Variants in CFAP91 observed in about 807,000 individuals in gnomAD.
The protein encoded by CFAP91 is cilia and flagella associated protein 91, also known as cilia- and flagella-associated protein 91.
CFAP91 carries 85 observed loss-of-function variants against 95.9 expected under a neutral mutation model. That is an observed-to-expected ratio of 0.89 (90% CI 0.74 to 1.06). The LOEUF (loss-of-function observed/expected upper bound fraction) is 1.06, where lower values mean the gene tolerates loss of function less well. Ranked by LOEUF, CFAP91 falls within the 50% of genes least tolerant of loss-of-function variation. The pLI is 0.00. For missense variants in CFAP91, 962 were observed against 943.4 expected (o/e 1.02, Z -0.26); for synonymous variants, 335 against 327.5 (o/e 1.02, Z -0.25).
At chr3:119,716,467 C>G (rs1033168583) in intron 6 of CFAP91, among the ~76,000 whole-genome samples, 1 of 152,174 alleles carries the variant, frequency 6.6e-6, no homozygotes, top group East Asian at 1.9e-4. Context: ...CTTTCCCCCG[C>G]ATTGTAACAG....
intron 11 of CFAP91, among the ~76,000 whole-genome samples, chr3:119,738,909 T>A (rs1297315459): frequency 6.6e-6 from 1 of 152,128 alleles, no homozygotes; most frequent in African/African-American, 2.4e-5. Context: ...ACATGAAAAA[T>A]CCTATTGCAA....
intron 15 of CFAP91, 98 bp downstream of exon 15, chr3:119,747,361 CAAAT>C (rs1246410473): frequency 9.7e-6 from 13 of 1,334,002 alleles, no homozygotes; most frequent in Non-Finnish European, 1.2e-5. Flanking sequence ...CAAGTAGAAA[CAAAT>C]AACTCATACT....
chr3:119,718,070 C>A (rs1277757615), intron 6 of CFAP91, among the ~76,000 whole-genome samples: 6 of 152,184 alleles, frequency 3.9e-5, no homozygotes, highest in Non-Finnish European at 8.8e-5. Flanking sequence ...GAGAAACCTG[C>A]AGCTGGTCTC....
rs2053552687 is a variant in CFAP91, at chr3:119,715,299, C to A, written c.501-263C>A. On this transcript the variant is annotated intron_variant, in intron 5 of 17. Transcript: ENST00000273390. ...TCTGTTCTACAACCTTGCCCAGTGACACACATATAAATAGGCACTTCTGTG... is the reference window on the plus strand; with the variant it reads ...TCTGTTCTACAACCTTGCCCAGTGAAACACATATAAATAGGCACTTCTGTG... 2.6e-5 allele frequency: 15 copies of A among 570,820 alleles called. No homozygotes were observed. In the Middle Eastern group the frequency reaches 1.3e-3, roughly 51 times the overall value. 35.4% of individuals were successfully genotyped at this position (570,820 alleles called of 1,614,324 possible). A position where few individuals can be genotyped will look rare whatever the true frequency, so the allele number is the denominator to read the frequency against.
chr3:119,756,901 T>G (rs2054441408), intron 17 of CFAP91, among the ~76,000 whole-genome samples: 1 of 152,140 alleles, frequency 6.6e-6, no homozygotes, highest in African/African-American at 2.4e-5. Context: ...AAACCAAATT[T>G]TATCACTGAC....
At chr3:119,753,565 G>C (rs1216101532) in intron 17 of CFAP91, among the ~76,000 whole-genome samples, 1 of 152,148 alleles carries the variant, frequency 6.6e-6, no homozygotes, top group African/African-American at 2.4e-5. Flanking sequence ...AGAATATTCA[G>C]GTACGTGAGG....
intron 14 of CFAP91, among the ~76,000 whole-genome samples, chr3:119,746,756 G>A (rs776247877): frequency 6.6e-6 from 1 of 152,188 alleles, no homozygotes; most frequent in Non-Finnish European, 1.5e-5. Flanking sequence ...CTCCTAGTCT[G>A]TGCTACAGTT....
rs1218355746 is a variant in CFAP91 at position 119,740,808 on chromosome 3, C to T, written c.1680+113C>T. On this transcript the variant is annotated intron_variant, in intron 13 of 17. Coordinates refer to ENST00000273390, the MANE Select transcript of CFAP91 (RefSeq NM_033364.4). ...AATGAAATGATGAAAAAGAAACAGCCCCACAATCCCATCACTCTGTCAGCA... is the reference window on the plus strand; with the variant it reads ...AATGAAATGATGAAAAAGAAACAGCTCCACAATCCCATCACTCTGTCAGCA... 2.6e-6 allele frequency: 3 copies of T among 1,156,492 alleles called. No individual in the cohort carries two copies. In the African/African-American group the frequency reaches 4.6e-5, roughly 18 times the overall value. 71.6% of individuals were successfully genotyped at this position (1,156,492 alleles called of 1,614,324 possible).
intron 3 of CFAP91, 106 bp downstream of exon 3, chr3:119,707,667 T>A: frequency 9.7e-7 from 1 of 1,029,984 alleles, no homozygotes; most frequent in Non-Finnish European, 1.3e-6. Context: ...GTGTTATACC[T>A]AGGCCAAATT....
In CFAP91 at chr3:119,737,407, A is replaced by G; in HGVS notation, c.1386A>G (p.Lys462=). 1 of 1,610,262 alleles carries G rather than the reference A, an allele frequency of 6.2e-7. No homozygotes were observed. The highest frequency in any genetic ancestry group is 8.5e-7 in the Non-Finnish European group (1 of 1,178,402). ...DKKNKVLEVK[K]PPRFLQRNPI... is the part of the protein sequence containing the mutation. ...AGAATAAAGTTCTTGAAGTAAAGAA[A>G]CCCCCTCGCTTCCTTCAAAGAAACC... The change falls in exon 11 of 18, where the codon AAA becomes AAG. Residue 462 remains lysine (K), a synonymous_variant. Coordinates refer to ENST00000273390, the MANE Select transcript of CFAP91 (RefSeq NM_033364.4).
intron 9 of CFAP91, 144 bp downstream of exon 9, chr3:119,732,620 C>T (rs1295375277): frequency 1.6e-6 from 1 of 607,750 alleles, no homozygotes; most frequent in African/African-American, 1.9e-5. Context: ...CCAATAAAAA[C>T]TACTAAGACC....
At chr3:119,704,729 G>A (rs1338642124) in intron 1 of CFAP91, among the ~76,000 whole-genome samples, 1 of 152,108 alleles carries the variant, frequency 6.6e-6, no homozygotes, top group Non-Finnish European at 1.5e-5. Context: ...TGATATTTCG[G>A]TCAACAGTGG....
chr3:119,744,136 G>A lies in CFAP91; in HGVS notation c.1842G>A (p.Glu614=), dbSNP rs780381206. ...ERQRRVREAE[E]SGRRQVEKQR... is the part of the protein sequence containing the mutation. ...AGCGGCGGGTACGAGAGGCTGAAGA[G>A]AGTGGTCGGCGCCAGGTGGAAAAAC... Residue 614 remains glutamate, a synonymous_variant, in exon 14 of 18, where the codon GAG becomes GAA. Coordinates refer to ENST00000273390, the MANE Select transcript of CFAP91 (RefSeq NM_033364.4). 2.5e-5 allele frequency: 40 copies of A among 1,613,960 alleles called. No individual in the cohort carries two copies. Among genetic ancestry groups the A allele is most frequent in the Non-Finnish European group, 3.1e-5 (37 of 1,180,000 alleles).
rs769923327 is a variant in CFAP91, at chr3:119,726,186, C to A, written c.698C>A (p.Ala233Glu). Residue 233 changes from alanine (A) to glutamate (E), a missense_variant, in exon 7 of 18, where the codon GCA becomes GAA. Coordinates refer to ENST00000273390, the MANE Select transcript of CFAP91 (RefSeq NM_033364.4). ...TATCCTGCAGGTCGGGGTCTCCCAG[C>A]AGGACAAGCTGAGGTGGAGATGATA... ...ATLTWGRGLP[A>E]GQAEVEMIER... 1 of 1,610,716 alleles carries A rather than the reference C, an allele frequency of 6.2e-7. No homozygotes were observed. Among genetic ancestry groups the A allele is most frequent in the Non-Finnish European group, 8.5e-7 (1 of 1,178,722 alleles).
rs770982721 is a variant in CFAP91 at position 119,715,691 on chromosome 3, A to C, written c.630A>C (p.Val210=). ...CAGATCCATACTCTGCAGAATATGT[A>C]GTATGTCAGGACTCAATCCCTGAGC... is the stretch of plus-strand genomic sequence containing the variant. The part of the protein sequence containing the change: ...VQTDPYSAEY[V]VCQDSIPELL... Residue 210 remains valine, a synonymous_variant, in exon 6 of 18, where the codon GTA becomes GTC. Transcript: ENST00000273390. 5.0e-6 allele frequency: 8 copies of C among 1,614,032 alleles called. No individual in the cohort carries two copies. The highest frequency in any genetic ancestry group is 5.9e-6 in the Non-Finnish European group (7 of 1,179,902).
intron 16 of CFAP91, among the ~76,000 whole-genome samples, chr3:119,749,996 A>G (rs2054297153): frequency 6.6e-6 from 1 of 152,192 alleles, no homozygotes; most frequent in Non-Finnish European, 1.5e-5. Flanking sequence ...TTTTCACTTA[A>G]TGGAAATTAG....
chr3:119,744,145 G>A lies in CFAP91; in HGVS notation c.1851G>A (p.Arg617=). ...RRVREAEESG[R]RQVEKQRLRE... ...TACGAGAGGCTGAAGAGAGTGGTCG[G>A]CGCCAGGTGGAAAAACAGCGCCTGC... The change falls in exon 14 of 18, where the codon CGG becomes CGA. Residue 617 remains arginine, a synonymous_variant. Transcript: ENST00000273390. The A allele has an allele frequency of 6.2e-7, 1 of 1,613,926 alleles. No individual in the cohort carries two copies. Among genetic ancestry groups the A allele is most frequent in the African/African-American group, 1.3e-5 (1 of 75,034 alleles).
intron 8 of CFAP91, among the ~76,000 whole-genome samples, chr3:119,730,601 AGTGTGT>A (rs60453079): frequency 0.21 from 28,691 of 136,988 alleles, 3,097 homozygotes; most frequent in South Asian, 0.29. Context: ...TTACTGAGAT[AGTGTGT>A]GTGTGTGTGT....
intron 7 of CFAP91, among the ~76,000 whole-genome samples, chr3:119,729,418 G>C (rs1306552574): frequency 6.6e-6 from 1 of 152,056 alleles, no homozygotes; most frequent in Non-Finnish European, 1.5e-5. Context: ...AAGCCAAGGT[G>C]GGATCACTTG....
Sources: gnomAD v4.1 joint callset for allele counts (sites outside exome capture counted in the v4.1 genomes callset) on GRCh38, gnomAD v4.1.1 for gene constraint, MANE v1.5 for transcripts, NCBI Gene and HGNC (gene_info 2026-07-23, HGNC 2026-07-21) for gene names.